The following TTN variants were observed in gnomAD, a reference collection of about 807,000 sequenced individuals.
The protein encoded by TTN is titin.
A neutral mutation model predicts 3,223.0 loss-of-function variants in TTN; 1,525 were observed. The observed-to-expected ratio is 0.47, with a 90% CI of 0.45 to 0.49. The LOEUF (loss-of-function observed/expected upper bound fraction) is 0.49. TTN is among the 20% of genes least tolerant of loss of function. The pLI is 0.00. For synonymous variants in TTN, 14,094 were observed against 15,161.0 expected, an observed-to-expected ratio of 0.93 and a Z score of 5.17; for missense variants, 40,786 against 43,424.0, an observed-to-expected ratio of 0.94 and a Z score of 5.40.
At position 178,718,034 on chromosome 2, in the gene TTN, G is replaced by T. The variant is rs879030954; in HGVS notation, c.24972C>A (p.Asn8324Lys). Reference sequence around the variant, plus strand: ...CTCCCACATCACTGTGATCCACTTTGTTGATTACTAAGGAAGCAACGTTAT... The same window carrying T: ...CTCCCACATCACTGTGATCCACTTTTTTGATTACTAAGGAAGCAACGTTAT... Reference protein sequence around the residue: ...FKNNVASLVINKVDHSDVGEY... With the variant: ...FKNNVASLVIKKVDHSDVGEY... Residue 8324 changes from asparagine to lysine, a missense_variant, in exon 86 of 363, where the codon AAC (asparagine) becomes AAA (lysine). Coordinates refer to ENST00000589042, the MANE Select transcript of TTN (RefSeq NM_001267550.2). 3.7e-6 allele frequency: 6 copies of T among 1,613,760 alleles called. No individual in the cohort carries two copies. The highest frequency in any genetic ancestry group is 1.7e-5 in the Admixed American group (1 of 60,006).
In TTN at chr2:178,539,017, A is replaced by C; in HGVS notation, c.98918T>G (p.Ile32973Ser). ...VPDAEYQFRIIAQNDVGLSET... is the reference protein window; with the variant it reads ...VPDAEYQFRISAQNDVGLSET... ...ACTCAGGCCAACATCATTCTGTGCG[A>C]TGATGCGGAACTGATACTCAGCATC... is the stretch of plus-strand genomic sequence containing the variant. The change falls in exon 353 of 363, where the codon ATC becomes AGC. Residue 32973 changes from isoleucine to serine, a missense_variant. Coordinates refer to ENST00000589042, the MANE Select transcript of TTN (RefSeq NM_001267550.2). 6.2e-7 allele frequency: 1 copy of C among 1,613,782 alleles called. No individual in the cohort carries two copies.
intron 295 of TTN, among the ~76,000 whole-genome samples, chr2:178,595,168 G>A (rs2051197729): frequency 6.6e-6 from 1 of 152,020 alleles, no homozygotes; most frequent in East Asian, 1.9e-4. Context: ...CTACTCGGGA[G>A]ACTGAGACAC....
Position 178,732,260 on chromosome 2 carries a change from G to A in TTN, c.16709C>T (p.Thr5570Ile), listed in dbSNP as rs535319438. ...ATQLACKVTG[T>I]PPIKITWFAN... ...AAACCATGTTATTTTAATTGGAGGGGTACCAGTTACTTTGCAGGCTAGCTG... is the reference window on the plus strand; with the variant it reads ...AAACCATGTTATTTTAATTGGAGGGATACCAGTTACTTTGCAGGCTAGCTG... Residue 5570 changes from threonine (T) to isoleucine (I), a missense_variant, in exon 57 of 363, where the codon ACC becomes ATC. Transcript: ENST00000589042. 56 of 1,613,754 alleles carry A rather than the reference G, an allele frequency of 3.5e-5. No homozygotes were observed. In the East Asian group the frequency reaches 4.9e-4, roughly 14 times the overall value.
At position 178,571,938 on chromosome 2, in the gene TTN, C is replaced by T. The variant is rs754089001; in HGVS notation, c.74194G>A (p.Asp24732Asn). ...ATGAATGGAACATCAACTTTTAGGT[C>T]TTCACCTGCCAGTACAGTGAAAGTA... is the stretch of plus-strand genomic sequence containing the variant. ...FNTFTVLAGE[D>N]LKVDVPFIGR... The change falls in exon 326 of 363, where the codon GAC becomes AAC. Residue 24732 changes from aspartate (D) to asparagine (N), a missense_variant. Transcript: ENST00000589042. 1.2e-6 allele frequency: 2 copies of T among 1,613,088 alleles called. No individual in the cohort carries two copies. The highest frequency in any genetic ancestry group is 1.1e-5 in the South Asian group (1 of 91,060).
In TTN at chr2:178,782,895, T is replaced by G. The variant is rs1413214135; in HGVS notation, c.3011A>C (p.Glu1004Ala). The change falls in exon 18 of 363, where the codon GAA becomes GCA. Residue 1004 changes from glutamate (E) to alanine (A), a missense_variant. By Grantham distance (107) the Glu-to-Ala change is moderately radical (BLOSUM62 -1). Coordinates refer to ENST00000589042, the MANE Select transcript of TTN (RefSeq NM_001267550.2). ...TCGCCCGCTGTCTTCCGCAAATGCT[T>G]CGCGAATCATAAGACGAGCAATTCC... is the stretch of plus-strand genomic sequence containing the variant. ...QSGIARLMIR[E>A]AFAEDSGRFT... 6.8e-6 allele frequency: 11 copies of G among 1,614,102 alleles called. No individual in the cohort carries two copies. The highest frequency in any genetic ancestry group is 9.3e-6 in the Non-Finnish European group (11 of 1,179,994).
intron 28 of TTN, 41 bp downstream of exon 28, chr2:178,775,315 A>C (rs1477968193): frequency 6.2e-7 from 1 of 1,612,910 alleles, no homozygotes; most frequent in Admixed American, 1.7e-5. Context: ...ATATTCTTGA[A>C]TACAAAGACA....
At position 178,576,134 on chromosome 2, in the gene TTN, A is replaced by G; in HGVS notation, c.69998T>C (p.Val23333Ala). The change falls in exon 326 of 363, where the codon GTT (valine) becomes GCT (alanine). Residue 23333 changes from valine (V) to alanine (A), a missense_variant. Physicochemically the swap from Val to Ala is moderately conservative, Grantham distance 64. Transcript: ENST00000589042. This position sits in a 1 kb window ranked among gnomAD's most constrained non-coding sequence, Gnocchi z 4.3. ...GVGEPAVIPD[V>A]EIVEREMAPD... ...AGCCATCTCCCGTTCTACGATTTCA[A>G]CATCTGGAATCACCGCTGGCTCCCC... 2 of 1,613,424 alleles carry G rather than the reference A, an allele frequency of 1.2e-6. No individual in the cohort carries two copies. Among genetic ancestry groups the G allele is most frequent in the Non-Finnish European group, 1.7e-6 (2 of 1,179,576 alleles).
At position 178,718,306 on chromosome 2, in the gene TTN, G is replaced by A; in HGVS notation, c.24784+16C>T. ...AAAAGAAAGAGAGCAATAAAAAGAG[G>A]TAGCTGTCAACACACCTAAGACAGA... On this transcript the variant is annotated intron_variant, in intron 85 of 362. Transcript: ENST00000589042. 2 of 1,606,256 alleles carry A rather than the reference G, an allele frequency of 1.2e-6. No individual in the cohort carries two copies. The highest frequency in any genetic ancestry group is 2.2e-5 in the East Asian group (1 of 44,742).
chr2:178,663,580 G>T (rs1243380075), intron 171 of TTN, 47 bp downstream of exon 171: 2 of 1,613,346 alleles, frequency 1.2e-6, no homozygotes, highest in African/African-American at 2.7e-5. Context: ...ATATTTTCCA[G>T]AGCAGAAGAG....
At position 178,714,425 on chromosome 2, in the gene TTN, T is replaced by G. The variant is rs767996372; in HGVS notation, c.26349A>C (p.Ile8783=). ...KGEIVRESDN[I]WISYSENIAT... ...CAATGTTTTCTGAATAAGAAATCCA[T>G]ATGTTGTCACTTTCTCTAACGATTT... Residue 8783 remains isoleucine (I), a synonymous_variant, in exon 91 of 363, where the codon ATA becomes ATC. Coordinates refer to ENST00000589042, the MANE Select transcript of TTN (RefSeq NM_001267550.2). 1.9e-6 allele frequency: 3 copies of G among 1,613,680 alleles called. No individual in the cohort carries two copies. The highest frequency in any genetic ancestry group is 1.7e-5 in the Admixed American group (1 of 59,978).
At chr2:178,550,611 G>T (rs376544757) in intron 336 of TTN, 395 of 405,482 alleles carry the variant, frequency 9.7e-4, no homozygotes, top group Middle Eastern at 7.4e-3. Context: ...ATTCAAGCAA[G>T]GGGATGATTG....
At chr2:178,629,488 T>A (rs2059516185) in intron 239 of TTN, 45 bp from the exon 240 acceptor site, 1 of 1,609,890 alleles carries the variant, frequency 6.2e-7, no homozygotes, top group African/African-American at 1.3e-5. Flanking sequence ...CATTTTGTAA[T>A]CCCAAAAGAA....
Position 178,785,841 on chromosome 2 carries a change from G to C in TTN, c.2370+7C>G, listed in dbSNP as rs775958987. 5 of 1,614,002 alleles carry C rather than the reference G, an allele frequency of 3.1e-6. No homozygotes were observed. In the South Asian group the frequency reaches 5.5e-5, roughly 18 times the overall value. On this transcript the variant is annotated splice_region_variant and intron_variant, in intron 14 of 362. Coordinates refer to ENST00000589042, the MANE Select transcript of TTN (RefSeq NM_001267550.2). ...ACAAGGTGAAAAATCAGCAGGTATAGACTCACCTGTGATGATATGTGCATT... is the reference window on the plus strand; with the variant it reads ...ACAAGGTGAAAAATCAGCAGGTATACACTCACCTGTGATGATATGTGCATT...
At chr2:178,638,915 G>C (rs989357219) in intron 223 of TTN, among the ~76,000 whole-genome samples, 1 of 151,956 alleles carries the variant, frequency 6.6e-6, no homozygotes, top group Non-Finnish European at 1.5e-5. Context: ...AAATAGTCAG[G>C]ATGTGTATGT....
In TTN at chr2:178,774,021, T is replaced by G. The variant is rs770123979; in HGVS notation, c.7147A>C (p.Ser2383Arg). 11 of 1,614,118 alleles carry G rather than the reference T, an allele frequency of 6.8e-6. No homozygotes were observed. The highest frequency in any genetic ancestry group is 2.2e-5 in the East Asian group (1 of 44,866). The change falls in exon 31 of 363, where the codon AGT (serine) becomes CGT (arginine). Residue 2383 changes from serine (S) to arginine (R), a missense_variant. Physicochemically the swap from Ser to Arg is moderately radical, Grantham distance 110. Coordinates refer to ENST00000589042, the MANE Select transcript of TTN (RefSeq NM_001267550.2). ...VQLEVKVSLE[S>R]VEGVWMKDGQ... is the part of the protein sequence containing the mutation. ...TCTTTCATCCAGACGCCTTCCACAC[T>G]TTCCAAGGAGACTTTAACTTCAAGC...
At chr2:178,619,479 A>G in intron 250 of TTN, 142 bp downstream of exon 250, 2 of 1,016,538 alleles carry the variant, frequency 2.0e-6, no homozygotes. Context: ...CTTTGTAGTG[A>G]GCAAAATTAG....
In TTN at chr2:178,632,354, C is replaced by T. The variant is rs1277313297; in HGVS notation, c.43540G>A (p.Ala14514Thr). The T allele has an allele frequency of 6.2e-7, 1 of 1,604,966 alleles. No individual in the cohort carries two copies. The highest frequency in any genetic ancestry group is 1.7e-5 in the Admixed American group (1 of 58,918). ...KDVTAKEKES[A>T]VFTVELSHDN... ...TGAGATAACTCCACAGTAAATACAGCACTTTCCTTCTCTTTGGCAGTTACA... is the reference window on the plus strand; with the variant it reads ...TGAGATAACTCCACAGTAAATACAGTACTTTCCTTCTCTTTGGCAGTTACA... The change falls in exon 236 of 363, where the codon GCT (alanine) becomes ACT (threonine). Residue 14514 changes from alanine (A) to threonine (T), a missense_variant. By Grantham distance (58) the Ala-to-Thr change is moderately conservative. Transcript: ENST00000589042.
rs1705941525 is a variant in TTN, at chr2:178,566,562, C to G, written c.79570G>C (p.Val26524Leu). 6.2e-7 allele frequency: 1 copy of G among 1,612,952 alleles called. No individual in the cohort carries two copies. Among genetic ancestry groups the G allele is most frequent in the Non-Finnish European group, 8.5e-7 (1 of 1,179,696 alleles). The change falls in exon 326 of 363, where the codon GTA becomes CTA. Residue 26524 changes from valine to leucine, a missense_variant. Physicochemically the swap from Val to Leu is conservative, Grantham distance 32 (BLOSUM62 1). Coordinates refer to ENST00000589042, the MANE Select transcript of TTN (RefSeq NM_001267550.2). ...DGGSEILGYVVEICKADEEEW... is the reference protein window; with the variant it reads ...DGGSEILGYVLEICKADEEEW... ...TCTTCATCTGCTTTACAGATTTCTA[C>G]TACATATCCCAAGATCTCACTGCCG...
At chr2:178,645,137 C>T (rs2061731766) in intron 217 of TTN, 1 of 152,014 alleles carries the variant, frequency 6.6e-6, no homozygotes, top group African/African-American at 2.4e-5. Flanking sequence ...TATGACGTCA[C>T]AAGACAACTT....
Sources: gnomAD v4.1 joint callset for allele counts (sites outside exome capture counted in the v4.1 genomes callset) on GRCh38, gnomAD v4.1.1 for gene constraint, Gnocchi (gnomAD v3.1) non-coding constraint, MANE v1.5 for transcripts, NCBI Gene and HGNC (gene_info 2026-07-23, HGNC 2026-07-21) for gene names.